Variants in LEKR1 observed in about 807,000 individuals in gnomAD.
LEKR1 encodes leucine, glutamate and lysine rich 1, also known as protein LEKR1.
In LEKR1, 59 loss-of-function variants were observed where a neutral mutation model predicts 72.4. The ratio of observed to expected loss-of-function variants is 0.82; its 90% CI spans 0.66 to 1.01. LEKR1 has a LOEUF of 1.01. Ranked by LOEUF, LEKR1 falls within the 50% of genes least tolerant of loss-of-function variation. The probability of loss-of-function intolerance (pLI) is 0.00; values close to 1 mark genes in which losing one functional copy is unlikely to be tolerated. For missense variants in LEKR1, 728 were observed against 759.2 expected (o/e 0.96, Z 0.48); for synonymous variants, 257 against 263.2 (o/e 0.98, Z 0.23).
At chr3:156,965,978 T>C (rs1276338275) in intron 6 of LEKR1, among the ~76,000 whole-genome samples, 5 of 152,192 alleles carry the variant, frequency 3.3e-5, no homozygotes, top group East Asian at 1.9e-4. Flanking sequence ...ATAATATATA[T>C]GTATAAATTA....
intron 6 of LEKR1, among the ~76,000 whole-genome samples, chr3:156,946,205 T>C (rs1417070240): frequency 2.6e-5 from 4 of 151,646 alleles, no homozygotes; most frequent in Non-Finnish European, 5.9e-5. Context: ...TTTGTAATTA[T>C]TGTAAATAGG....
chr3:156,951,872 T>G (rs533563026), intron 6 of LEKR1, among the ~76,000 whole-genome samples: 6 of 151,650 alleles, frequency 4.0e-5, no homozygotes, highest in Non-Finnish European at 8.9e-5. Context: ...CTGATTTTGG[T>G]TATTTCTTGT....
chr3:156,956,472 C>G (rs539398253), intron 6 of LEKR1, among the ~76,000 whole-genome samples: 21 of 151,934 alleles, frequency 1.4e-4, no homozygotes, highest in South Asian at 1.0e-3. Context: ...TGTAGCAAAT[C>G]CAGAAGTAGA....
At chr3:156,857,270 T>C (rs1716180753) in intron 3 of LEKR1, among the ~76,000 whole-genome samples, 1 of 152,140 alleles carries the variant, frequency 6.6e-6, no homozygotes, top group Non-Finnish European at 1.5e-5. Flanking sequence ...GAAAGCCATT[T>C]TGATCATGTT....
At chr3:157,007,045 C>CA (rs565112043) in intron 9 of LEKR1, among the ~76,000 whole-genome samples, 7,137 of 151,472 alleles carry the variant, frequency 0.047, 564 homozygotes, top group African/African-American at 0.16. Context: ...TAAAAAAATA[C>CA]AAAAAAAATA....
intron 12 of LEKR1, among the ~76,000 whole-genome samples, chr3:157,038,268 G>A (rs1419367739): frequency 6.6e-6 from 1 of 152,164 alleles, no homozygotes; most frequent in Non-Finnish European, 1.5e-5. Flanking sequence ...AGGAGTCAAG[G>A]ATAACTCCAA....
intron 7 of LEKR1, among the ~76,000 whole-genome samples, chr3:156,989,785 T>C (rs1731000740): frequency 6.6e-6 from 1 of 151,926 alleles, no homozygotes; most frequent in Non-Finnish European, 1.5e-5. Flanking sequence ...TCTCCCTCTT[T>C]ACCCTCCTTC....
At chr3:156,916,299 GAATATCATTGTT>G (rs1723641639) in intron 3 of LEKR1, among the ~76,000 whole-genome samples, 1 of 151,940 alleles carries the variant, frequency 6.6e-6, no homozygotes, top group Non-Finnish European at 1.5e-5. Flanking sequence ...GTTCTGTGAA[GAATATCATTGTT>G]AGACAGGAAT....
rs1338375598 is a variant in LEKR1, at chr3:156,970,598, T to C, written c.746-8596T>C. 3.3e-5 allele frequency among the ~76,000 whole-genome samples: 5 copies of C among 152,132 alleles called. No individual in the cohort carries two copies. In the East Asian group the frequency reaches 9.6e-4, roughly 29 times the overall value. On this transcript the variant is annotated intron_variant, in intron 6 of 12. Coordinates refer to ENST00000356539, the MANE Select transcript of LEKR1 (RefSeq NM_001004316.3). The stretch of plus-strand genomic sequence containing the variant: ...TGATTGTGTATCTAGAAAACCCCAT[T>C]GTCTCAGCCCAAAATCTCCTTAAGC...
chr3:156,968,811 G>C (rs1436480601), intron 6 of LEKR1, among the ~76,000 whole-genome samples: 3 of 152,134 alleles, frequency 2.0e-5, no homozygotes, highest in Non-Finnish European at 4.4e-5. Context: ...CAAATCAACA[G>C]AATATACATT....
chr3:156,915,537 A>T (rs559574470), intron 3 of LEKR1, among the ~76,000 whole-genome samples: 2 of 151,774 alleles, frequency 1.3e-5, no homozygotes, highest in East Asian at 3.9e-4. Context: ...TCATATGCTC[A>T]TTGGCCACAT....
chr3:157,043,949 C>A (rs1279957220), intron 12 of LEKR1, among the ~76,000 whole-genome samples: 1 of 152,164 alleles, frequency 6.6e-6, no homozygotes, highest in Non-Finnish European at 1.5e-5. Context: ...TACTGTGCAA[C>A]TGGCTAATCT....
At chr3:157,009,632 A>G (rs181113846) in intron 9 of LEKR1, among the ~76,000 whole-genome samples, 1 of 152,182 alleles carries the variant, frequency 6.6e-6, no homozygotes, top group Admixed American at 6.5e-5. Context: ...TTGCTACATT[A>G]CACAACTATA....
Position 156,946,662 on chromosome 3 carries a change from T to G in LEKR1, c.745+3948T>G. On this transcript the variant is annotated intron_variant, in intron 6 of 12. Coordinates refer to ENST00000356539, the MANE Select transcript of LEKR1 (RefSeq NM_001004316.3). ...TTCTTATCACGATGGCATGTTGAAT[T>G]ATATCAAACGTTTTTTCAGAATCAA... is the stretch of plus-strand genomic sequence containing the variant. Among the ~76,000 whole-genome samples, 2 of 151,456 alleles carry G rather than the reference T, an allele frequency of 1.3e-5. 1 individual carries two copies. The highest frequency in any genetic ancestry group is 4.1e-4 in the South Asian group (2 of 4,830).
At chr3:157,022,496 A>G (rs1442487508) in intron 10 of LEKR1, among the ~76,000 whole-genome samples, 1 of 152,132 alleles carries the variant, frequency 6.6e-6, no homozygotes, top group African/African-American at 2.4e-5. Flanking sequence ...TAAAATGAAT[A>G]GGATTTTGTG....
intron 2 of LEKR1, among the ~76,000 whole-genome samples, chr3:156,847,059 C>T (rs958006665): frequency 2.6e-5 from 4 of 152,110 alleles, no homozygotes; most frequent in Non-Finnish European, 4.4e-5. Flanking sequence ...CCACCTACCT[C>T]GGCCTCCCAA....
At position 156,980,949 on chromosome 3, in the gene LEKR1, CA is replaced by C. The variant is rs1730144584; in HGVS notation, c.827+1675del. ...TGCATAATGACATTTTGGTCAGTGA[CA>C]GACCATGTATACAAAGATGGTCCTA... is the stretch of plus-strand genomic sequence containing the variant. On this transcript the variant is annotated intron_variant, in intron 7 of 12. Transcript: ENST00000356539. Among the ~76,000 whole-genome samples the C allele has an allele frequency of 7.9e-5, 12 of 152,292 alleles. 1 individual carries two copies. In the South Asian group the frequency reaches 2.5e-3, roughly 32 times the overall value.
At chr3:156,846,606 A>C (rs1490789156) in intron 2 of LEKR1, among the ~76,000 whole-genome samples, 1 of 152,124 alleles carries the variant, frequency 6.6e-6, no homozygotes, top group African/African-American at 2.4e-5. Context: ...CTATCTCAAA[A>C]ACTTTCTCCT....
chr3:156,931,824 C>T (rs186127933), intron 5 of LEKR1, among the ~76,000 whole-genome samples: 98 of 152,058 alleles, frequency 6.4e-4, no homozygotes, highest in Non-Finnish European at 1.3e-3. Flanking sequence ...AAATGTTTGC[C>T]ATGGAGGGTA....
Sources: allele counts gnomAD v4.1 joint callset (sites outside exome capture counted in the v4.1 genomes callset), GRCh38; gene constraint gnomAD v4.1.1; transcripts MANE v1.5; gene names NCBI Gene and HGNC (gene_info 2026-07-23, HGNC 2026-07-21).